The following ZBTB17 variants were observed in gnomAD, a reference collection of about 807,000 sequenced individuals.
ZBTB17 encodes zinc finger and BTB domain-containing protein 17.
Under a neutral mutation model 85.1 loss-of-function variants are expected in ZBTB17, and 24 were observed. That is an observed-to-expected ratio of 0.28 (90% CI 0.20 to 0.40). The LOEUF (loss-of-function observed/expected upper bound fraction) is 0.40. Among genes scored for constraint, ZBTB17 ranks in the 10% least tolerant of loss-of-function variants. The probability of loss-of-function intolerance (pLI) is 1.00; values close to 1 mark genes in which losing one functional copy is unlikely to be tolerated. For missense variants in ZBTB17, 743 were observed against 1,105.1 expected, an observed-to-expected ratio of 0.67 and a Z score of 4.65; for synonymous variants, 464 against 460.2, an observed-to-expected ratio of 1.01 and a Z score of -0.11.
Position 15,943,666 on chromosome 1 carries a change from C to T in ZBTB17, c.1509G>A (p.Val503=). The change falls in exon 11 of 16, where the codon GTG becomes GTA. Residue 503 remains valine (V), a synonymous_variant. Transcript: ENST00000375743. The part of the protein sequence containing the change: ...LRIHSGEKPY[V]CIHCQRQFAD... ...CAAACTGTCGCTGGCAGTGGATGCACACGTAGGGCTTCTCCCCGCTGTGGA... is the reference window on the plus strand; with the variant it reads ...CAAACTGTCGCTGGCAGTGGATGCATACGTAGGGCTTCTCCCCGCTGTGGA... The T allele has an allele frequency of 6.2e-7, 1 of 1,612,974 alleles. No homozygotes were observed. Among genetic ancestry groups the T allele is most frequent in the Non-Finnish European group, 8.5e-7 (1 of 1,179,864 alleles).
Position 15,958,316 on chromosome 1 carries a change from G to A in ZBTB17, c.-2-9819C>T, listed in dbSNP as rs1454957761. The stretch of plus-strand genomic sequence containing the variant: ...ATCCCAAGTGACCTCCCTGCACCAG[G>A]GGAGCACAGGGCCCCTGTCAAACAG... On this transcript the variant is annotated intron_variant, in intron 2 of 15. Transcript: ENST00000375743. Among the ~76,000 whole-genome samples the A allele has an allele frequency of 3.3e-5, 5 of 151,914 alleles. No individual in the cohort carries two copies. In the South Asian group the frequency reaches 8.3e-4, roughly 25 times the overall value.
intron 1 of ZBTB17, among the ~76,000 whole-genome samples, chr1:15,974,889 T>C (rs1332136957): frequency 6.6e-6 from 1 of 152,244 alleles, no homozygotes; most frequent in Non-Finnish European, 1.5e-5. Context: ...TCTGCTTCTT[T>C]ATTTAGCCTG....
intron 2 of ZBTB17, among the ~76,000 whole-genome samples, chr1:15,957,092 A>AT (rs1235395870): frequency 6.6e-6 from 1 of 151,458 alleles, no homozygotes; most frequent in East Asian, 1.9e-4. Context: ...AGGCAGGAGA[A>AT]TGCTTGAACC....
In ZBTB17 at chr1:15,942,413, C is replaced by T. The variant is rs532974892; in HGVS notation, c.2046G>A (p.Pro682=). 84 of 1,613,366 alleles carry T rather than the reference C, an allele frequency of 5.2e-5. 1 individual carries two copies. The highest frequency in any genetic ancestry group is 1.7e-4 in the African/African-American group (13 of 75,070). The stretch of plus-strand genomic sequence containing the variant: ...CATCGGCTGTCACTGCAGCTCCCAC[C>T]GGCACCACTGCGGGCAGAGTCGCAG... ...ATAVTQLTVV[P]VGAAVTADET... Residue 682 remains proline, a synonymous_variant, in exon 15 of 16, where the codon CCG becomes CCA. Coordinates refer to ENST00000375743, the MANE Select transcript of ZBTB17 (RefSeq NM_003443.3).
chr1:15,973,689 T>C lies in ZBTB17; in HGVS notation c.-89-564A>G, dbSNP rs2072757418. Among the ~76,000 whole-genome samples the C allele has an allele frequency of 6.6e-6, 1 of 152,168 alleles. No individual in the cohort carries two copies. Among genetic ancestry groups the C allele is most frequent in the Non-Finnish European group, 1.5e-5 (1 of 68,038 alleles). On this transcript the variant is annotated intron_variant, in intron 1 of 15. Transcript: ENST00000375743. The surrounding 1 kb of genome is among the most constrained non-coding windows in gnomAD (Gnocchi z 4.1). The stretch of plus-strand genomic sequence containing the variant: ...ACCCATCAGTCAAAAACTGGGGTGA[T>C]CCTGACTCCTCCCTGCCCCTAACTC...
chr1:15,944,516 C>A lies in ZBTB17; in HGVS notation c.1155G>T (p.Ser385=). 6.3e-7 allele frequency: 1 copy of A among 1,588,732 alleles called. No individual in the cohort carries two copies. The highest frequency in any genetic ancestry group is 2.3e-5 in the East Asian group (1 of 43,956). Residue 385 remains serine (S), a synonymous_variant, in exon 9 of 16, where the codon TCG becomes TCT. Transcript: ENST00000375743. ...CCTCGCAGCGGTAGCGCGCCTCGCC[C>A]GAGTGCCGCTTCTTGTGCAGGTTCA... is the stretch of plus-strand genomic sequence containing the variant. ...SLLNLHKKRH[S]GEARYRCEDC... is the part of the protein sequence containing the mutation.
At position 15,944,991 on chromosome 1, in the gene ZBTB17, G is replaced by A. The variant is rs2071533509; in HGVS notation, c.873C>T (p.Thr291=). 2 of 1,590,576 alleles carry A rather than the reference G, an allele frequency of 1.3e-6. No homozygotes were observed. The highest frequency in any genetic ancestry group is 3.5e-5 in the Admixed American group (2 of 57,384). ...GSEARGLRSG[T]YGDRTESKAY... is the part of the protein sequence containing the mutation. ...CCTTGGACTCCGTGCGGTCGCCGTA[G>A]GTGCCTGAGCGCAGGCCCCGGGCCT... The change falls in exon 7 of 16, where the codon ACC becomes ACT. Residue 291 remains threonine, a synonymous_variant. Coordinates refer to ENST00000375743, the MANE Select transcript of ZBTB17 (RefSeq NM_003443.3).
Position 15,943,119 on chromosome 1 carries a change from G to A in ZBTB17, c.1773C>T (p.Cys591=), listed in dbSNP as rs2071431509. The change falls in exon 13 of 16, where the codon TGC becomes TGT. Residue 591 remains cysteine, a synonymous_variant. Coordinates refer to ENST00000375743, the MANE Select transcript of ZBTB17 (RefSeq NM_003443.3). ...CCCCCACGTTCACGAAGGCCTTGCT[G>A]CACACGCTGCACTTGTGTGGGCGGA... ...DNIRPHKCSV[C]SKAFVNVGDL... is the part of the protein sequence containing the mutation. The A allele has an allele frequency of 6.2e-7, 1 of 1,614,018 alleles. No individual in the cohort carries two copies. Among genetic ancestry groups the A allele is most frequent in the African/African-American group, 1.3e-5 (1 of 74,900 alleles).
chr1:15,945,628 G>A, intron 6 of ZBTB17, 87 bp downstream of exon 6: 2 of 1,558,878 alleles, frequency 1.3e-6, no homozygotes, highest in South Asian at 1.2e-5. Context: ...CTGGAGGCAG[G>A]AGGAGAGGGA....
At position 15,970,737 on chromosome 1, in the gene ZBTB17, C is replaced by T. The variant is rs370529897; in HGVS notation, c.-3+2302G>A. 4.0e-3 allele frequency among the ~76,000 whole-genome samples: 609 copies of T among 152,052 alleles called. 3 individuals are homozygous for T. Among genetic ancestry groups the T allele is most frequent in the African/African-American group, 0.01 (416 of 41,482 alleles). ...CTAATTTTTGTATTTTTAGTAGAGACGGAGTTTCACCATGTTAGCCAGGAT... is the reference window on the plus strand; with the variant it reads ...CTAATTTTTGTATTTTTAGTAGAGATGGAGTTTCACCATGTTAGCCAGGAT... On this transcript the variant is annotated intron_variant, in intron 2 of 15. Coordinates refer to ENST00000375743, the MANE Select transcript of ZBTB17 (RefSeq NM_003443.3).
At position 15,942,345 on chromosome 1, in the gene ZBTB17, TG is replaced by T; in HGVS notation, c.2113del (p.Gln705LysfsTer133). On this transcript the variant is annotated frameshift_variant, in exon 15 of 16. Coordinates refer to ENST00000375743, the MANE Select transcript of ZBTB17 (RefSeq NM_003443.3). LOFTEE classifies it high-confidence loss of function. ...GCCCCCCTCACCTTCTTCCTGCACTTGCTTCACAGCTTTGCTGATCTCGGCC... is the reference window on the plus strand; with the variant it reads ...GCCCCCCTCACCTTCTTCCTGCACTTCTTCACAGCTTTGCTGATCTCGGCC... Reference protein sequence around the residue: ...LKAEISKAVKQVQEEDPNTHI... With the variant: ...LKAEISKAVKXVQEEDPNTHI... 6.2e-7 allele frequency: 1 copy of T among 1,613,952 alleles called. No individual in the cohort carries two copies. Among genetic ancestry groups the T allele is most frequent in the Non-Finnish European group, 8.5e-7 (1 of 1,180,028 alleles).
chr1:15,955,840 G>A (rs540518914), intron 2 of ZBTB17, among the ~76,000 whole-genome samples: 8 of 152,282 alleles, frequency 5.3e-5, no homozygotes, highest in African/African-American at 1.7e-4. Flanking sequence ...CTGCACCACT[G>A]CACTCCAGCC....
Position 15,976,061 on chromosome 1 carries a change from C to T in ZBTB17, c.-168G>A. The T allele has an allele frequency of 1.4e-6, 1 of 690,830 alleles. No individual in the cohort carries two copies. 42.8% of individuals were successfully genotyped at this position (690,830 alleles called of 1,614,324 possible). ...GCCGGGGACGGCACTCCAGAGCAGA[C>T]AAAGGGCGCCGCCATGTTAGAGTCG... On this transcript the variant is annotated 5_prime_UTR_variant, in exon 1 of 16. Coordinates refer to ENST00000375743, the MANE Select transcript of ZBTB17 (RefSeq NM_003443.3).
At position 15,965,913 on chromosome 1, in the gene ZBTB17, G is replaced by A. The variant is rs550104332; in HGVS notation, c.-3+7126C>T. On this transcript the variant is annotated intron_variant, in intron 2 of 15. Transcript: ENST00000375743. ...GCAAAACTCAGGGATGACTTGGGCC[G>A]GGTGAGATCAGGGAGGGGACACAGG... Among the ~76,000 whole-genome samples, 58 of 152,268 alleles carry A rather than the reference G, an allele frequency of 3.8e-4. No individual in the cohort carries two copies. In the South Asian group the frequency reaches 6.2e-3, roughly 16 times the overall value.
chr1:15,961,545 G>C (rs1413933151), intron 2 of ZBTB17, among the ~76,000 whole-genome samples: 1 of 152,230 alleles, frequency 6.6e-6, no homozygotes, highest in African/African-American at 2.4e-5. Context: ...TTTAAAAACG[G>C]ATGCGGAAGT....
At chr1:15,946,813 C>T in intron 4 of ZBTB17, 122 bp downstream of exon 4, 1 of 1,264,880 alleles carries the variant, frequency 7.9e-7, no homozygotes, top group Non-Finnish European at 1.1e-6. Flanking sequence ...TAACCCTTGC[C>T]AGCACCCACA....
chr1:15,963,684 A>G (rs960929047), intron 2 of ZBTB17, among the ~76,000 whole-genome samples: 7 of 152,242 alleles, frequency 4.6e-5, no homozygotes, highest in African/African-American at 1.2e-4. Flanking sequence ...TATGAAACAC[A>G]TATTTCAGGC....
intron 2 of ZBTB17, among the ~76,000 whole-genome samples, chr1:15,965,412 T>C (rs574591126): frequency 2.0e-5 from 3 of 152,314 alleles, no homozygotes; most frequent in Non-Finnish European, 2.9e-5. Flanking sequence ...TGAGATGTCA[T>C]TGTACGCCCA....
rs1452785058 is a variant in ZBTB17, at chr1:15,943,448, G to A, written c.1648C>T (p.Arg550Cys). ...TQASSLIAHVRQHTGEKPYVC... is the reference protein window; with the variant it reads ...TQASSLIAHVCQHTGEKPYVC... ...TAGGGCTTCTCCCCGGTGTGCTGGC[G>A]CACGTGGGCGATGAGGGAGCTGGCC... The change falls in exon 12 of 16, where the codon CGC (arginine) becomes TGC (cysteine). Residue 550 changes from arginine to cysteine, a missense_variant. Coordinates refer to ENST00000375743, the MANE Select transcript of ZBTB17 (RefSeq NM_003443.3). 1 of 1,610,772 alleles carries A rather than the reference G, an allele frequency of 6.2e-7. No homozygotes were observed. The highest frequency in any genetic ancestry group is 8.5e-7 in the Non-Finnish European group (1 of 1,178,236).
Sources: allele counts gnomAD v4.1 joint callset (sites outside exome capture counted in the v4.1 genomes callset), GRCh38; gene constraint gnomAD v4.1.1; non-coding constraint Gnocchi (gnomAD v3.1); transcripts MANE v1.5; gene names NCBI Gene and HGNC (gene_info 2026-07-23, HGNC 2026-07-21).